Variants in SP3 observed in about 807,000 individuals in gnomAD.
SP3 encodes the protein transcription factor Sp3.
Under a neutral mutation model 70.3 loss-of-function variants are expected in SP3, and 10 were observed. That is an observed-to-expected ratio of 0.14 (90% CI 0.09 to 0.24). The LOEUF is 0.24. Among genes scored for constraint, SP3 ranks in the 10% least tolerant of loss-of-function variants. The probability of loss-of-function intolerance (pLI) is 1.00; values close to 1 mark genes in which losing one functional copy is unlikely to be tolerated. For synonymous variants in SP3, 402 were observed against 333.5 expected, an observed-to-expected ratio of 1.21 and a Z score of -2.24; for missense variants, 825 against 914.6, an observed-to-expected ratio of 0.90 and a Z score of 1.26.
chr2:173,956,362 T>C (rs905567234), intron 3 of SP3, 130 bp from the exon 4 acceptor site: 10 of 909,298 alleles, frequency 1.1e-5, no homozygotes, highest in Non-Finnish European at 1.6e-5. Flanking sequence ...GGAGTTCAAA[T>C]ACAGGAGCAG....
rs1689325722 is a variant in SP3, at chr2:173,906,494, C to A, written c.*3447G>T. 6.6e-6 allele frequency: 1 copy of A among 152,132 alleles called. No homozygotes were observed. The highest frequency in any genetic ancestry group is 6.6e-5 in the Admixed American group (1 of 15,266). The allele number at this position is 152,132 out of a possible 1,614,324, so 9.4% of individuals were successfully genotyped here. On this transcript the variant is annotated 3_prime_UTR_variant, in exon 7 of 7. Coordinates refer to ENST00000310015, the MANE Select transcript of SP3 (RefSeq NM_003111.5). ...ACATACTGTTTAGTGAAAAATAATT[C>A]TTTTACAACAAAAACGATTGTTACC...
rs140904298 is a variant in SP3 at position 173,908,154 on chromosome 2, C to A, written c.*1787G>T. ...AAGTAACTCCTGCCATGGTTACCAA[C>A]GCTTGTCTTATCATTTTCAGGAGTC... On this transcript the variant is annotated 3_prime_UTR_variant, in exon 7 of 7. Transcript: ENST00000310015. 2 of 152,194 alleles carry A rather than the reference C, an allele frequency of 1.3e-5. No homozygotes were observed. Among genetic ancestry groups the A allele is most frequent in the East Asian group, 3.9e-4 (2 of 5,194 alleles). The allele number at this position is 152,194 out of a possible 1,614,324, so 9.4% of individuals were successfully genotyped here.
intron 4 of SP3, among the ~76,000 whole-genome samples, chr2:173,947,047 C>T (rs2105489196): frequency 6.6e-6 from 1 of 152,182 alleles, no homozygotes; most frequent in East Asian, 1.9e-4. Context: ...TGTAAGTAAT[C>T]TGTCTTCTCT....
chr2:173,953,876 T>G (rs1034492844), intron 4 of SP3, among the ~76,000 whole-genome samples: 2 of 152,036 alleles, frequency 1.3e-5, no homozygotes, highest in Non-Finnish European at 2.9e-5. Context: ...AAGGCTTAAA[T>G]GCAATTAAAG....
At chr2:173,913,367 C>T (rs936698439) in intron 5 of SP3, 101 bp from the exon 6 acceptor site, 1 of 872,006 alleles carries the variant, frequency 1.1e-6, no homozygotes, top group East Asian at 3.1e-5. Flanking sequence ...AAATAGAAGA[C>T]ATTATCATTA....
intron 4 of SP3, among the ~76,000 whole-genome samples, chr2:173,946,439 G>A (rs373961370): frequency 1.3e-5 from 2 of 151,696 alleles, no homozygotes; most frequent in East Asian, 1.9e-4. Context: ...CCACCACACT[G>A]GGATTCAAAT....
chr2:173,945,825 CT>C (rs1168481696), intron 4 of SP3, among the ~76,000 whole-genome samples: 1 of 152,154 alleles, frequency 6.6e-6, no homozygotes. Context: ...GTCAGATTTG[CT>C]TTAAAATAAC....
At chr2:173,935,116 A>C (rs897538754) in intron 4 of SP3, among the ~76,000 whole-genome samples, 1 of 152,158 alleles carries the variant, frequency 6.6e-6, no homozygotes, top group Admixed American at 6.5e-5. Flanking sequence ...GCAGTGACTC[A>C]TGCCTGTAAT....
chr2:173,913,184 T>C lies in SP3; in HGVS notation c.1915A>G (p.Arg639Gly). 1 of 1,613,662 alleles carries C rather than the reference T, an allele frequency of 6.2e-7. No homozygotes were observed. Among genetic ancestry groups the C allele is most frequent in the Non-Finnish European group, 8.5e-7 (1 of 1,179,688 alleles). ...CCAGAATGCCAACGCAGATGAGCTC[T>C]CAGATGTGAGGTCTTCCCATAGACT... Reference protein sequence around the residue: ...GKVYGKTSHLRAHLRWHSGER... With the variant: ...GKVYGKTSHLGAHLRWHSGER... The change falls in exon 6 of 7, where the codon AGA becomes GGA. Residue 639 changes from arginine (R) to glycine (G), a missense_variant. This residue lies in a region of SP3 where 19 missense variants were observed against 99.4 expected (regional missense o/e 0.19). Coordinates refer to ENST00000310015, the MANE Select transcript of SP3 (RefSeq NM_003111.5).
chr2:173,906,225 G>A lies in SP3; in HGVS notation c.*3716C>T, dbSNP rs1170649820. ...TTCTGCTGAGTTTCCCAGACTTCAT[G>A]CAGAATTCTCCCTCTTCTAGGTTTC... is the stretch of plus-strand genomic sequence containing the variant. On this transcript the variant is annotated 3_prime_UTR_variant, in exon 7 of 7. Transcript: ENST00000310015. Among the ~76,000 whole-genome samples, 1 of 152,054 alleles carries A rather than the reference G, an allele frequency of 6.6e-6. No individual in the cohort carries two copies. Among genetic ancestry groups the A allele is most frequent in the Non-Finnish European group, 1.5e-5 (1 of 68,032 alleles).
At chr2:173,917,748 C>T (rs1360025307) in intron 5 of SP3, among the ~76,000 whole-genome samples, 2 of 151,406 alleles carry the variant, frequency 1.3e-5, no homozygotes, top group South Asian at 2.1e-4. Context: ...CAAAGCTGCA[C>T]AAAAAAGGGA....
chr2:173,933,445 A>G (rs924157179), intron 4 of SP3, among the ~76,000 whole-genome samples: 1 of 151,592 alleles, frequency 6.6e-6, no homozygotes, highest in African/African-American at 2.4e-5. Flanking sequence ...ACAAAGGTCT[A>G]TTTTTTATTC....
In SP3 at chr2:173,942,327, A is replaced by T. The variant is rs556391205; in HGVS notation, c.1639+12546T>A. 3.3e-5 allele frequency among the ~76,000 whole-genome samples: 5 copies of T among 152,338 alleles called. No homozygotes were observed. In the East Asian group the frequency reaches 9.7e-4, roughly 29 times the overall value. Reference sequence around the variant, plus strand: ...AAGCCTGTAATCCCAGCACTTTGGGAGGCCGAGGCAGGTGGATCACTTGAG... The same window carrying T: ...AAGCCTGTAATCCCAGCACTTTGGGTGGCCGAGGCAGGTGGATCACTTGAG... On this transcript the variant is annotated intron_variant, in intron 4 of 6. Transcript: ENST00000310015.
chr2:173,943,929 G>A (rs1690453960), intron 4 of SP3, among the ~76,000 whole-genome samples: 1 of 152,134 alleles, frequency 6.6e-6, no homozygotes. Context: ...TTGTTCACAG[G>A]CTAAGAACCT....
rs1311339519 is a variant in SP3 at position 173,955,024 on chromosome 2, T to C, written c.1488A>G (p.Thr496=). 1.2e-6 allele frequency: 2 copies of C among 1,614,034 alleles called. No individual in the cohort carries two copies. Among genetic ancestry groups the C allele is most frequent in the Non-Finnish European group, 1.7e-6 (2 of 1,180,026 alleles). Residue 496 remains threonine (T), a synonymous_variant, in exon 4 of 7, where the codon ACA becomes ACG. Coordinates refer to ENST00000310015, the MANE Select transcript of SP3 (RefSeq NM_003111.5). ...QITLTPVQTL[T]LGQVAAGGAF... The stretch of plus-strand genomic sequence containing the variant: ...CTCCACCTGCCGCAACTTGACCAAG[T>C]GTGAGGGTTTGAACAGGCGTCAAAG...
chr2:173,940,130 A>G (rs1690326971), intron 4 of SP3, among the ~76,000 whole-genome samples: 2 of 152,106 alleles, frequency 1.3e-5, no homozygotes, highest in African/African-American at 4.8e-5. Flanking sequence ...TCCCAGCCTC[A>G]GCCTCCCAAA....
intron 4 of SP3, among the ~76,000 whole-genome samples, chr2:173,932,621 G>A (rs2105473868): frequency 6.6e-6 from 1 of 152,338 alleles, no homozygotes; most frequent in Admixed American, 6.5e-5. Flanking sequence ...TTCTATGGGT[G>A]CATGGTCTGT....
chr2:173,922,290 G>GTT (rs768648740), intron 4 of SP3, among the ~76,000 whole-genome samples: 5 of 144,680 alleles, frequency 3.5e-5, no homozygotes, highest in Admixed American at 6.9e-5. Context: ...CACTCCCAAG[G>GTT]TTTTTTTTTT....
chr2:173,901,073 G>T lies in SP3; in HGVS notation c.*8868C>A, dbSNP rs1470258165. 6.6e-6 allele frequency among the ~76,000 whole-genome samples: 1 copy of T among 152,076 alleles called. No homozygotes were observed. Among genetic ancestry groups the T allele is most frequent in the Non-Finnish European group, 1.5e-5 (1 of 68,016 alleles). On this transcript the variant is annotated 3_prime_UTR_variant, in exon 7 of 7. Coordinates refer to ENST00000310015, the MANE Select transcript of SP3 (RefSeq NM_003111.5). ...AGAATTTAGGATAAATAACAGAGAG[G>T]GCATTATAATCAGCAGGGAAACGTT...
Sources: allele counts gnomAD v4.1 joint callset (sites outside exome capture counted in the v4.1 genomes callset), GRCh38; gene constraint gnomAD v4.1.1; regional missense constraint gnomAD v4.1.1; transcripts MANE v1.5; gene names NCBI Gene and HGNC (gene_info 2026-07-23, HGNC 2026-07-21).